The following PNKD variants were observed in gnomAD, a reference collection of about 807,000 sequenced individuals.
PNKD encodes the protein PNKD metallo-beta-lactamase domain containing, also known as probable thioesterase PNKD.
A neutral mutation model predicts 45.3 loss-of-function variants in PNKD; 36 were observed. The observed-to-expected ratio is 0.80, with a 90% CI of 0.61 to 1.05. The LOEUF (loss-of-function observed/expected upper bound fraction) is 1.05. PNKD is among the 50% of genes least tolerant of loss of function. PNKD has a pLI of 0.00. For synonymous variants in PNKD, 197 were observed against 210.1 expected, an observed-to-expected ratio of 0.94 and a Z score of 0.54; for missense variants, 511 against 506.6, an observed-to-expected ratio of 1.01 and a Z score of -0.08.
At chr2:218,306,132 GAC>G (rs774363185) in intron 2 of PNKD, among the ~76,000 whole-genome samples, 12 of 152,204 alleles carry the variant, frequency 7.9e-5, no homozygotes, top group Non-Finnish European at 1.8e-4. Context: ...TGGCAGACGG[GAC>G]ACATGTGGAG....
At chr2:218,286,199 TTTTG>T (rs1471270198) in intron 2 of PNKD, 2 of 151,986 alleles carry the variant, frequency 1.3e-5, no homozygotes, top group African/African-American at 4.8e-5. Flanking sequence ...TTCTGCTTGT[TTTTG>T]TTTTTCTTTT....
chr2:218,298,290 T>A (rs573817759), intron 2 of PNKD, among the ~76,000 whole-genome samples: 2 of 152,204 alleles, frequency 1.3e-5, no homozygotes, highest in South Asian at 4.1e-4. Flanking sequence ...CACGTTCCCT[T>A]GGGGATACTT....
chr2:218,271,630 C>CT, intron 2 of PNKD, 81 bp downstream of exon 2: 1 of 1,303,814 alleles, frequency 7.7e-7, no homozygotes, highest in Non-Finnish European at 1.1e-6. Context: ...CTCCAAGTTT[C>CT]AGGTGGCGAG....
intron 2 of PNKD, among the ~76,000 whole-genome samples, chr2:218,312,457 A>C (rs766087685): frequency 6.6e-6 from 1 of 152,044 alleles, no homozygotes; most frequent in South Asian, 2.1e-4. Context: ...ACTCACTTGA[A>C]GGCTATGGCT....
intron 2 of PNKD, among the ~76,000 whole-genome samples, chr2:218,309,907 C>T (rs1693551612): frequency 6.6e-6 from 1 of 151,582 alleles, no homozygotes. Flanking sequence ...TGCACTCCAG[C>T]CTGGCGACAG....
intron 2 of PNKD, chr2:218,278,521 C>T: frequency 1.9e-6 from 3 of 1,614,176 alleles, no homozygotes; most frequent in Non-Finnish European, 2.5e-6. Flanking sequence ...TCACCTGGGT[C>T]CCTGGCAGCA....
At chr2:218,336,575 G>A (rs1694498132) in intron 2 of PNKD, among the ~76,000 whole-genome samples, 1 of 151,876 alleles carries the variant, frequency 6.6e-6, no homozygotes, top group African/African-American at 2.4e-5. Context: ...TGACCTCCTG[G>A]GTTCAAGTGA....
intron 8 of PNKD, among the ~76,000 whole-genome samples, chr2:218,344,243 T>G (rs905324884): frequency 6.6e-6 from 1 of 152,196 alleles, no homozygotes; most frequent in Non-Finnish European, 1.5e-5. Context: ...TAGTGGTTTT[T>G]TCCCCTGGAA....
Position 218,340,962 on chromosome 2 carries a change from C to A in PNKD, c.524+176C>A. 1.5e-6 allele frequency: 1 copy of A among 661,072 alleles called. No individual in the cohort carries two copies. The highest frequency in any genetic ancestry group is 2.7e-6 in the Non-Finnish European group (1 of 365,516). The allele number at this position is 661,072 out of a possible 1,614,324, so 41.0% of individuals were successfully genotyped here. ...GGGAGGAGAGGGGACAGTCTCCCAC[C>A]ACTCCATTGATCAAGCTTCTGAAGC... On this transcript the variant is annotated intron_variant, in intron 5 of 9. Transcript: ENST00000273077. The surrounding 1 kb of genome is among the most constrained non-coding windows in gnomAD (Gnocchi z 4.2).
At chr2:218,337,580 C>A (rs1462396591) in intron 2 of PNKD, among the ~76,000 whole-genome samples, 1 of 152,194 alleles carries the variant, frequency 6.6e-6, no homozygotes, top group Non-Finnish European at 1.5e-5. Flanking sequence ...ACACCTCTGT[C>A]TTTGTGCACT....
intron 2 of PNKD, chr2:218,323,203 GC>G: frequency 7.2e-7 from 1 of 1,393,636 alleles, no homozygotes; most frequent in Non-Finnish European, 9.3e-7. Flanking sequence ...CCCGCGGGGG[GC>G]CGGGGCCGGG....
At chr2:218,273,033 A>C in intron 2 of PNKD, 13 of 981,970 alleles carry the variant, frequency 1.3e-5, no homozygotes, top group Non-Finnish European at 1.8e-5. Flanking sequence ...CACAGAGCTC[A>C]GTGTTCCCAG....
intron 8 of PNKD, among the ~76,000 whole-genome samples, chr2:218,343,873 CATAGCCTTAGCCCAGAACAGAAA>C (rs1694753419): frequency 6.6e-6 from 1 of 152,236 alleles, no homozygotes; most frequent in Non-Finnish European, 1.5e-5. Flanking sequence ...TCTAATTGTT[CATAGCCTTAGCCCAGAACAGAAA>C]ATAGCCTTTG....
intron 2 of PNKD, among the ~76,000 whole-genome samples, chr2:218,333,300 T>C (rs887795314): frequency 3.9e-5 from 6 of 152,226 alleles, no homozygotes; most frequent in African/African-American, 1.4e-4. Flanking sequence ...CCTTGTTTAC[T>C]GCGGCTTCTT....
intron 2 of PNKD, among the ~76,000 whole-genome samples, chr2:218,334,461 G>A (rs967646213): frequency 2.0e-5 from 3 of 152,106 alleles, no homozygotes; most frequent in Non-Finnish European, 4.4e-5. Context: ...AACATTTGAA[G>A]AGTAGAGCCT....
chr2:218,305,653 C>T (rs920224987), intron 2 of PNKD, among the ~76,000 whole-genome samples: 7 of 152,084 alleles, frequency 4.6e-5, no homozygotes, highest in African/African-American at 1.7e-4. Context: ...CCACCACCCC[C>T]AGCCCAGAGG....
At chr2:218,293,760 T>G (rs1025375920) in intron 2 of PNKD, among the ~76,000 whole-genome samples, 7 of 106,792 alleles carry the variant, frequency 6.6e-5, no homozygotes, top group Admixed American at 6.2e-4. Flanking sequence ...TTTTGTTTGT[T>G]TGCTTGTTTG....
intron 2 of PNKD, among the ~76,000 whole-genome samples, chr2:218,294,671 T>C (rs569855567): frequency 6.6e-6 from 1 of 152,254 alleles, no homozygotes; most frequent in Admixed American, 6.5e-5. Flanking sequence ...AGAGACAGGG[T>C]CTCACTATGT....
chr2:218,339,986 C>T (rs1401835545), intron 3 of PNKD, 43 bp from the exon 4 acceptor site: 1 of 1,485,756 alleles, frequency 6.7e-7, no homozygotes, highest in African/African-American at 1.4e-5. Context: ...AGCCCCTGGG[C>T]TCCCTGCCTG....
Sources: gnomAD v4.1 joint callset for allele counts (sites outside exome capture counted in the v4.1 genomes callset) on GRCh38, gnomAD v4.1.1 for gene constraint, Gnocchi (gnomAD v3.1) non-coding constraint, MANE v1.5 for transcripts, NCBI Gene and HGNC (gene_info 2026-07-23, HGNC 2026-07-21) for gene names.